Variants in CNTN5 observed in about 807,000 individuals in gnomAD.
CNTN5 encodes contactin 5, also known as contactin-5.
In CNTN5, 77 loss-of-function variants were observed where a neutral mutation model predicts 129.1. That is an observed-to-expected ratio of 0.60 (90% CI 0.50 to 0.72). The LOEUF is 0.72. CNTN5 is among the 30% of genes least tolerant of loss of function. The pLI is 0.00. For synonymous variants in CNTN5, 509 were observed against 465.6 expected, an observed-to-expected ratio of 1.09 and a Z score of -1.20; for missense variants, 1,478 against 1,328.8, an observed-to-expected ratio of 1.11 and a Z score of -1.75.
chr11:99,733,271 G>C (rs1263985596), intron 3 of CNTN5, among the ~76,000 whole-genome samples: 3 of 149,372 alleles, frequency 2.0e-5, no homozygotes, highest in Non-Finnish European at 3.0e-5. Context: ...GCAGTGAGCC[G>C]AGATCGTGCC....
At chr11:99,557,270 T>C (rs142904062) in intron 3 of CNTN5, among the ~76,000 whole-genome samples, 73 of 151,406 alleles carry the variant, frequency 4.8e-4, no homozygotes, top group African/African-American at 1.6e-3. Flanking sequence ...TTTATACATA[T>C]ATATGAGGAT....
intron 6 of CNTN5, among the ~76,000 whole-genome samples, chr11:99,901,797 A>G (rs1180456591): frequency 1.3e-5 from 2 of 152,200 alleles, no homozygotes; most frequent in African/African-American, 2.4e-5. Context: ...TTTGGTATAC[A>G]TGGTGCTAGA....
At chr11:99,519,554 T>C (rs1460975517) in intron 2 of CNTN5, among the ~76,000 whole-genome samples, 1 of 152,078 alleles carries the variant, frequency 6.6e-6, no homozygotes, top group East Asian at 1.9e-4. Flanking sequence ...AGATAATAAT[T>C]TGAATATGTC....
intron 7 of CNTN5, among the ~76,000 whole-genome samples, chr11:99,926,680 G>A (rs1591433131): frequency 6.6e-6 from 1 of 152,056 alleles, no homozygotes; most frequent in East Asian, 1.9e-4. Context: ...AACACAAAAA[G>A]TAATTGTTCC....
intron 1 of CNTN5, among the ~76,000 whole-genome samples, chr11:99,058,533 C>T (rs1221259306): frequency 6.6e-6 from 1 of 152,144 alleles, no homozygotes; most frequent in East Asian, 1.9e-4. Context: ...CTTTACCACA[C>T]ATACATAGAA....
intron 13 of CNTN5, among the ~76,000 whole-genome samples, chr11:100,174,332 A>G (rs1005785282): frequency 2.6e-5 from 4 of 152,152 alleles, no homozygotes; most frequent in African/African-American, 7.2e-5. Flanking sequence ...GCTTTAAAAA[A>G]GAAATACTCT....
chr11:99,501,709 T>C (rs1946434351), intron 2 of CNTN5, among the ~76,000 whole-genome samples: 1 of 152,238 alleles, frequency 6.6e-6, no homozygotes, highest in Non-Finnish European at 1.5e-5. Context: ...TTATTAGTGC[T>C]TTATTTATAA....
At chr11:100,142,070 G>C (rs950225381) in intron 13 of CNTN5, among the ~76,000 whole-genome samples, 1 of 152,130 alleles carries the variant, frequency 6.6e-6, no homozygotes, top group Non-Finnish European at 1.5e-5. Flanking sequence ...TTGGACATCA[G>C]AACGCCAGGC....
chr11:99,815,451 G>A (rs1435530066), intron 3 of CNTN5, among the ~76,000 whole-genome samples: 1 of 152,148 alleles, frequency 6.6e-6, no homozygotes, highest in Non-Finnish European at 1.5e-5. Flanking sequence ...AAATATCCCT[G>A]AGAGAGGAGG....
intron 18 of CNTN5, among the ~76,000 whole-genome samples, chr11:100,273,514 G>A (rs1162857296): frequency 1.3e-5 from 2 of 152,136 alleles, no homozygotes; most frequent in Non-Finnish European, 2.9e-5. Flanking sequence ...ATGCGCAGAT[G>A]ACAGCGGATC....
intron 1 of CNTN5, among the ~76,000 whole-genome samples, chr11:99,153,704 A>T (rs765156711): frequency 2.0e-5 from 3 of 150,794 alleles, no homozygotes; most frequent in African/African-American, 4.9e-5. Flanking sequence ...AGTTGTTTGG[A>T]GGTGAGAAGA....
chr11:100,074,341 G>A, intron 13 of CNTN5, 47 bp downstream of exon 13: 3 of 1,465,678 alleles, frequency 2.0e-6, no homozygotes, highest in Non-Finnish European at 2.8e-6. Flanking sequence ...ACTTTTTTGA[G>A]GTTACAGGTG....
chr11:99,836,831 C>T (rs148631348), intron 4 of CNTN5, among the ~76,000 whole-genome samples: 2,286 of 152,254 alleles, frequency 0.015, 53 homozygotes, highest in African/African-American at 0.05. Context: ...TAATGATTGC[C>T]ATTCTAACTG....
intron 3 of CNTN5, among the ~76,000 whole-genome samples, chr11:99,814,850 T>G (rs770898626): frequency 4.6e-5 from 7 of 152,140 alleles, no homozygotes; most frequent in Non-Finnish European, 7.4e-5. Flanking sequence ...AGAGATTTAA[T>G]TGACTCACAG....
intron 13 of CNTN5, among the ~76,000 whole-genome samples, chr11:100,088,477 T>C (rs928502042): frequency 6.6e-6 from 1 of 151,816 alleles, no homozygotes; most frequent in Non-Finnish European, 1.5e-5. Context: ...ATAAGCAAAA[T>C]TGACAGACTG....
At position 99,962,656 on chromosome 11, in the gene CNTN5, C is replaced by T. The variant is rs928945252; in HGVS notation, c.877+5647C>T. On this transcript the variant is annotated intron_variant, in intron 8 of 24. Transcript: ENST00000524871. ...TCTTTATAGCAGCATGATTTATAGT[C>T]ATTTGGTTATATACCCAGTAATGGG... Among the ~76,000 whole-genome samples, 138 of 150,584 alleles carry T rather than the reference C, an allele frequency of 9.2e-4. 1 individual carries two copies. Among genetic ancestry groups the T allele is most frequent in the African/African-American group, 3.3e-3 (133 of 40,566 alleles).
intron 16 of CNTN5, among the ~76,000 whole-genome samples, chr11:100,226,762 TA>T (rs1309854700): frequency 6.6e-6 from 1 of 152,166 alleles, no homozygotes; most frequent in East Asian, 1.9e-4. Context: ...GGTTCTCTTT[TA>T]AAAAATTTTG....
At chr11:99,499,202 T>C (rs570108491) in intron 2 of CNTN5, among the ~76,000 whole-genome samples, 1 of 152,322 alleles carries the variant, frequency 6.6e-6, no homozygotes, top group African/African-American at 2.4e-5. Flanking sequence ...GTGAACTGTT[T>C]CCTAGTAATT....
intron 2 of CNTN5, among the ~76,000 whole-genome samples, chr11:99,532,331 T>C (rs564668153): frequency 6.6e-6 from 1 of 152,300 alleles, no homozygotes; most frequent in Middle Eastern, 3.4e-3. Flanking sequence ...CCATTGTTTC[T>C]AGGAAGTAAC....
Sources: gnomAD v4.1 joint callset for allele counts (sites outside exome capture counted in the v4.1 genomes callset) on GRCh38, gnomAD v4.1.1 for gene constraint, MANE v1.5 for transcripts, NCBI Gene and HGNC (gene_info 2026-07-23, HGNC 2026-07-21) for gene names.